The following TTL variants were observed in gnomAD, a reference collection of about 807,000 sequenced individuals.
TTL encodes the protein tubulin--tyrosine ligase.
TTL carries 10 observed loss-of-function variants against 41.1 expected under a neutral mutation model. The observed-to-expected ratio is 0.24, with a 90% CI of 0.15 to 0.41. The LOEUF (loss-of-function observed/expected upper bound fraction) is 0.41, where lower values mean the gene tolerates loss of function less well. Among genes scored for constraint, TTL ranks in the 10% least tolerant of loss-of-function variants. TTL has a pLI of 1.00. For synonymous variants in TTL, 175 were observed against 175.5 expected (o/e 1.00, Z 0.02); for missense variants, 367 against 460.4 (o/e 0.80, Z 1.86).
At position 112,482,830 on chromosome 2, in the gene TTL, GC is replaced by G. The variant is rs1211060671; in HGVS notation, c.157+334del. On this transcript the variant is annotated intron_variant, in intron 1 of 6. Coordinates refer to ENST00000233336, the MANE Select transcript of TTL (RefSeq NM_153712.5). The surrounding 1 kb of genome is among the most constrained non-coding windows in gnomAD (Gnocchi z 5.3). ...AGTCTAGCGGCTCCCCCGGGCCGAAGCCCCCAGATTTGGCGGGTCCGCCGCG... is the reference window on the plus strand; with the variant it reads ...AGTCTAGCGGCTCCCCCGGGCCGAAGCCCCAGATTTGGCGGGTCCGCCGCG... 2.0e-5 allele frequency among the ~76,000 whole-genome samples: 3 copies of G among 152,154 alleles called. No individual in the cohort carries two copies. The East Asian group carries it at 5.8e-4, about 30-fold the overall frequency.
chr2:112,482,844 C>T lies in TTL; in HGVS notation c.157+343C>T, dbSNP rs1209678387. On this transcript the variant is annotated intron_variant, in intron 1 of 6. Transcript: ENST00000233336. This position sits in a 1 kb window ranked among gnomAD's most constrained non-coding sequence, Gnocchi z 5.3. Reference sequence around the variant, plus strand: ...CCCGGGCCGAAGCCCCCAGATTTGGCGGGTCCGCCGCGCTGGGCGCGGCTC... The same window carrying T: ...CCCGGGCCGAAGCCCCCAGATTTGGTGGGTCCGCCGCGCTGGGCGCGGCTC... 6.6e-6 allele frequency among the ~76,000 whole-genome samples: 1 copy of T among 152,138 alleles called. No homozygotes were observed. Among genetic ancestry groups the T allele is most frequent in the Non-Finnish European group, 1.5e-5 (1 of 68,022 alleles).
chr2:112,503,970 G>C (rs1428131001), intron 5 of TTL, among the ~76,000 whole-genome samples: 2 of 73,954 alleles, frequency 2.7e-5, no homozygotes, highest in Middle Eastern at 4.9e-3. Flanking sequence ...CCCCTCCCCC[G>C]ACCCCACCAC....
At chr2:112,503,704 T>A (rs896358133) in intron 5 of TTL, among the ~76,000 whole-genome samples, 11 of 148,848 alleles carry the variant, frequency 7.4e-5, no homozygotes, top group Admixed American at 6.7e-5. Flanking sequence ...TTATCATAGA[T>A]TCAAAATTTT....
chr2:112,512,731 TG>T lies in TTL; in HGVS notation c.876-7550del, dbSNP rs1016847344. ...AATTTTAATCCAATATGATAATCAT[TG>T]TCATTTAATTGGTGTGTTTATACCA... On this transcript the variant is annotated intron_variant, in intron 5 of 6. Transcript: ENST00000233336. Among the ~76,000 whole-genome samples, 37 of 152,226 alleles carry T rather than the reference TG, an allele frequency of 2.4e-4. 1 individual carries two copies. The highest frequency in any genetic ancestry group is 1.5e-4 in the Non-Finnish European group (10 of 68,036).
rs76177853 is a variant in TTL, at chr2:112,540,433, C to CAAAAAAAAAA, written c.*11645_*11654dup. 5.3e-5 allele frequency: 6 copies of CAAAAAAAAAA among 113,832 alleles called. No homozygotes were observed. The highest frequency in any genetic ancestry group is 1.8e-4 in the African/African-American group (6 of 32,566). 7.1% of individuals were successfully genotyped at this position (113,832 alleles called of 1,614,324 possible). On this transcript the variant is annotated 3_prime_UTR_variant, in exon 7 of 7. Transcript: ENST00000233336. ...AACTCTGTCTCAAAAAAACAAAAAA[C>CAAAAAAAAAA]AAAAAAAAAAAAAAAAGAGAAAGAA...
At chr2:112,524,652 T>G (rs1682327260) in intron 6 of TTL, among the ~76,000 whole-genome samples, 1 of 152,230 alleles carries the variant, frequency 6.6e-6, no homozygotes, top group African/African-American at 2.4e-5. Context: ...TGATTTTTTC[T>G]TGTAAATTTG....
chr2:112,529,231 T>G lies in TTL; in HGVS notation c.*436T>G. 1 of 282,118 alleles carries G rather than the reference T, an allele frequency of 3.5e-6. No homozygotes were observed. The allele number at this position is 282,118 out of a possible 1,614,324, so 17.5% of individuals were successfully genotyped here. ...GCCTGTGTGTTCCCCACCCATCCCT[T>G]CGGTAACACTCTGCCACACTAAGCT... On this transcript the variant is annotated 3_prime_UTR_variant, in exon 7 of 7. Transcript: ENST00000233336.
In TTL at chr2:112,538,388, A is replaced by G. The variant is rs554008200; in HGVS notation, c.*9593A>G. 2 of 152,320 alleles carry G rather than the reference A, an allele frequency of 1.3e-5. No homozygotes were observed. Among genetic ancestry groups the G allele is most frequent in the Non-Finnish European group, 2.9e-5 (2 of 68,034 alleles). The allele number at this position is 152,320 out of a possible 1,614,324, so 9.4% of individuals were successfully genotyped here. A position where few individuals can be genotyped will look rare whatever the true frequency, so the allele number is the denominator to read the frequency against. ...AAAATCTTCAACAAAATACTAGTAA[A>G]CCAAATCCAGCAACATAGAAAAAGG... On this transcript the variant is annotated 3_prime_UTR_variant, in exon 7 of 7. Transcript: ENST00000233336.
At chr2:112,488,854 C>T (rs893127952) in intron 2 of TTL, among the ~76,000 whole-genome samples, 2 of 151,932 alleles carry the variant, frequency 1.3e-5, no homozygotes, top group Non-Finnish European at 2.9e-5. Flanking sequence ...TTTGGGAGGC[C>T]GAGGCGGGCG....
chr2:112,494,219 C>G lies in TTL; in HGVS notation c.313C>G (p.Leu105Val), dbSNP rs1681465385. Residue 105 changes from leucine to valine, a missense_variant, in exon 3 of 7, where the codon CTC becomes GTC. Coordinates refer to ENST00000233336, the MANE Select transcript of TTL (RefSeq NM_153712.5). ...PESYVIYPTN[L>V]KTPVAPAQNG... Reference sequence around the variant, plus strand: ...ATCTTATGTGATTTATCCAACCAATCTCAAGACTCCAGTTGCTCCAGCACA... The same window carrying G: ...ATCTTATGTGATTTATCCAACCAATGTCAAGACTCCAGTTGCTCCAGCACA... 1.2e-5 allele frequency: 19 copies of G among 1,614,110 alleles called. No individual in the cohort carries two copies. The highest frequency in any genetic ancestry group is 1.7e-5 in the Admixed American group (1 of 60,000).
intron 5 of TTL, among the ~76,000 whole-genome samples, chr2:112,514,704 C>T (rs1271857700): frequency 2.6e-5 from 4 of 152,034 alleles, no homozygotes; most frequent in Non-Finnish European, 4.4e-5. Context: ...GTACATATTC[C>T]TGCATTTGGG....
intron 2 of TTL, among the ~76,000 whole-genome samples, chr2:112,486,748 G>C (rs576155398): frequency 1.7e-4 from 26 of 152,286 alleles, no homozygotes; most frequent in African/African-American, 6.0e-4. Context: ...CTAAGCCTCA[G>C]TGCCTCCCTC....
intron 2 of TTL, among the ~76,000 whole-genome samples, chr2:112,488,751 CCTT>C (rs1312658270): frequency 6.9e-6 from 1 of 144,980 alleles, no homozygotes; most frequent in Non-Finnish European, 1.5e-5. Context: ...GAGTGAGACT[CCTT>C]CTTAAAAAAA....
Position 112,485,435 on chromosome 2 carries a change from T to C in TTL, c.158-482T>C, listed in dbSNP as rs117576648. On this transcript the variant is annotated intron_variant, in intron 1 of 6. Transcript: ENST00000233336. Reference sequence around the variant, plus strand: ...GGCCTCTCCACTACCTTCCTTCACCTAGAAGCTTGCAGAGATAGACTTGCT... The same window carrying C: ...GGCCTCTCCACTACCTTCCTTCACCCAGAAGCTTGCAGAGATAGACTTGCT... Among the ~76,000 whole-genome samples, 14 of 152,304 alleles carry C rather than the reference T, an allele frequency of 9.2e-5. No individual in the cohort carries two copies. The East Asian group carries it at 2.5e-3, about 27-fold the overall frequency.
At chr2:112,503,805 CTTTTTTT>C (rs70963002) in intron 5 of TTL, among the ~76,000 whole-genome samples, 1 of 102,544 alleles carries the variant, frequency 9.8e-6, no homozygotes, top group African/African-American at 3.8e-5. Flanking sequence ...CCGTAAACTT[CTTTTTTT>C]TTTTTTTTTT....
intron 2 of TTL, among the ~76,000 whole-genome samples, chr2:112,493,269 G>A (rs1000959318): frequency 6.6e-6 from 1 of 152,086 alleles, no homozygotes; most frequent in African/African-American, 2.4e-5. Flanking sequence ...CATGTCTGTG[G>A]GCAGGTTCCT....
intron 3 of TTL, among the ~76,000 whole-genome samples, chr2:112,498,321 C>CT (rs1475481964): frequency 6.6e-6 from 1 of 151,682 alleles, no homozygotes; most frequent in East Asian, 1.9e-4. Context: ...AAAATTCCGT[C>CT]TAAAAAAAAA....
chr2:112,527,177 T>C (rs543246844), intron 6 of TTL, among the ~76,000 whole-genome samples: 1 of 152,348 alleles, frequency 6.6e-6, no homozygotes, highest in East Asian at 1.9e-4. Flanking sequence ...TTCTGTTCTT[T>C]TACATTTGCT....
rs565805278 is a variant in TTL at position 112,528,919 on chromosome 2, A to G, written c.*124A>G. On this transcript the variant is annotated 3_prime_UTR_variant, in exon 7 of 7. Coordinates refer to ENST00000233336, the MANE Select transcript of TTL (RefSeq NM_153712.5). ...AAGAAAGGCAACTCGCAAAGATGAG[A>G]TGGAAGAAGGCACGTGAGCAGAGGA... 4.8e-5 allele frequency: 38 copies of G among 785,170 alleles called. 1 individual carries two copies. In the African/African-American group the frequency reaches 5.3e-4, roughly 11 times the overall value. The allele number at this position is 785,170 out of a possible 1,614,324, so 48.6% of individuals were successfully genotyped here. A position where few individuals can be genotyped will look rare whatever the true frequency, so the allele number is the denominator to read the frequency against.
Sources: allele counts gnomAD v4.1 joint callset (sites outside exome capture counted in the v4.1 genomes callset), GRCh38; gene constraint gnomAD v4.1.1; non-coding constraint Gnocchi (gnomAD v3.1); transcripts MANE v1.5; gene names NCBI Gene and HGNC (gene_info 2026-07-23, HGNC 2026-07-21).